The following PCDHA11 variants were observed in gnomAD, a reference collection of about 807,000 sequenced individuals.
The protein encoded by PCDHA11 is protocadherin alpha 11, also known as protocadherin alpha-11.
PCDHA11 carries 61 observed loss-of-function variants against 70.3 expected under a neutral mutation model. That is an observed-to-expected ratio of 0.87 (90% CI 0.71 to 1.07). The LOEUF is 1.07. Among genes scored for constraint, PCDHA11 ranks in the 50% least tolerant of loss-of-function variants. The probability of loss-of-function intolerance (pLI) is 0.00; values close to 1 mark genes in which losing one functional copy is unlikely to be tolerated. For synonymous variants in PCDHA11, 633 were observed against 555.1 expected, an observed-to-expected ratio of 1.14 and a Z score of -1.97; for missense variants, 1,324 against 1,237.5, an observed-to-expected ratio of 1.07 and a Z score of -1.05.
intron 3 of PCDHA11, among the ~76,000 whole-genome samples, chr5:141,009,295 A>AT (rs1258767808): frequency 6.6e-6 from 1 of 152,030 alleles, no homozygotes; most frequent in African/African-American, 2.4e-5. Flanking sequence ...TTTCTATAAA[A>AT]TTTTTTTTAA....
intron 1 of PCDHA11, among the ~76,000 whole-genome samples, chr5:140,969,836 T>C (rs1349045341): frequency 6.6e-6 from 1 of 152,224 alleles, no homozygotes; most frequent in Non-Finnish European, 1.5e-5. Flanking sequence ...ACAGTGGAAA[T>C]TATCTAGTTA....
At chr5:140,956,195 G>A (rs1324151692) in intron 1 of PCDHA11, among the ~76,000 whole-genome samples, 1 of 152,178 alleles carries the variant, frequency 6.6e-6, no homozygotes, top group Non-Finnish European at 1.5e-5. Flanking sequence ...CTGAATAGGA[G>A]TGGTGAAAGA....
chr5:140,990,758 C>G (rs1432023166), intron 3 of PCDHA11, among the ~76,000 whole-genome samples: 1 of 152,162 alleles, frequency 6.6e-6, no homozygotes, highest in African/African-American at 2.4e-5. Flanking sequence ...ACCTTTGAGC[C>G]TGTAAATTTG....
chr5:140,874,868 T>C (rs1554167378), intron 1 of PCDHA11, among the ~76,000 whole-genome samples: 1 of 152,254 alleles, frequency 6.6e-6, no homozygotes, highest in Non-Finnish European at 1.5e-5. Flanking sequence ...TTATCCTTTG[T>C]TAAATACAAA....
chr5:140,935,353 T>C (rs2090328143), intron 1 of PCDHA11, among the ~76,000 whole-genome samples: 1 of 152,184 alleles, frequency 6.6e-6, no homozygotes, highest in Non-Finnish European at 1.5e-5. Flanking sequence ...CAAATCCCAG[T>C]TTTCATTAAC....
intron 1 of PCDHA11, among the ~76,000 whole-genome samples, chr5:140,937,039 CTTT>C (rs34994034): frequency 1.4e-5 from 2 of 140,152 alleles, no homozygotes; most frequent in African/African-American, 5.3e-5. Flanking sequence ...TTCCATTTAT[CTTT>C]TTTTTTTTTT....
At chr5:140,871,609 A>G (rs1554165776) in intron 1 of PCDHA11, 115 bp downstream of exon 1, 1 of 1,428,296 alleles carries the variant, frequency 7.0e-7, no homozygotes, top group East Asian at 2.5e-5. Flanking sequence ...TGTTTTGAAT[A>G]TTGTTTTAGA....
chr5:140,923,152 T>C (rs2153567399), intron 1 of PCDHA11, among the ~76,000 whole-genome samples: 1 of 152,204 alleles, frequency 6.6e-6, no homozygotes, highest in South Asian at 2.1e-4. Context: ...TAAAAAAAAT[T>C]ATAGAAAGAT....
At chr5:140,895,968 G>C (rs190056652) in intron 1 of PCDHA11, among the ~76,000 whole-genome samples, 4 of 151,938 alleles carry the variant, frequency 2.6e-5, no homozygotes, top group African/African-American at 4.8e-5. Flanking sequence ...CTGTCACCAG[G>C]CCTAGCTAAT....
At chr5:140,992,023 G>C (rs1415968916) in intron 3 of PCDHA11, among the ~76,000 whole-genome samples, 2 of 148,226 alleles carry the variant, frequency 1.3e-5, no homozygotes, top group African/African-American at 4.9e-5. Flanking sequence ...GGCTCTGTGT[G>C]TGTGTGTGTG....
chr5:140,887,004 C>T (rs1341039143), intron 1 of PCDHA11, among the ~76,000 whole-genome samples: 1 of 152,066 alleles, frequency 6.6e-6, no homozygotes, highest in African/African-American at 2.4e-5. Flanking sequence ...GTTGGTATCA[C>T]TTTCCTACTG....
At chr5:140,937,933 A>T (rs1452935525) in intron 1 of PCDHA11, among the ~76,000 whole-genome samples, 1 of 151,854 alleles carries the variant, frequency 6.6e-6, no homozygotes, top group Non-Finnish European at 1.5e-5. Flanking sequence ...AAAAAGTTTA[A>T]TTTGATAATT....
chr5:141,002,141 A>G (rs1554258528), intron 3 of PCDHA11, among the ~76,000 whole-genome samples: 3 of 152,258 alleles, frequency 2.0e-5, no homozygotes, highest in Admixed American at 6.5e-5. Context: ...TGCCGGCTGC[A>G]CTGACTTAGC....
chr5:140,940,164 A>G (rs2092564000), intron 1 of PCDHA11, among the ~76,000 whole-genome samples: 1 of 152,170 alleles, frequency 6.6e-6, no homozygotes, highest in Non-Finnish European at 1.5e-5. Context: ...TTTGCCTGAA[A>G]TGTCATTCTT....
At chr5:140,977,703 A>G (rs1407162368) in intron 1 of PCDHA11, among the ~76,000 whole-genome samples, 1 of 152,192 alleles carries the variant, frequency 6.6e-6, no homozygotes, top group Non-Finnish European at 1.5e-5. Context: ...ATCTGTCTGA[A>G]TATTGAGATG....
intron 3 of PCDHA11, among the ~76,000 whole-genome samples, chr5:141,005,708 A>G (rs1245739768): frequency 6.8e-6 from 1 of 146,360 alleles, no homozygotes; most frequent in Non-Finnish European, 1.5e-5. Context: ...TCTCAAAAAA[A>G]AAAAAAAAAA....
chr5:140,927,313 G>A (rs1229449253), intron 1 of PCDHA11: 6 of 1,614,074 alleles, frequency 3.7e-6, no homozygotes, highest in Admixed American at 3.3e-5. Context: ...GACGCCCGGA[G>A]CCCGCTTTAC....
At chr5:140,872,661 TA>T (rs1211452464) in intron 1 of PCDHA11, among the ~76,000 whole-genome samples, 12 of 152,166 alleles carry the variant, frequency 7.9e-5, no homozygotes, top group African/African-American at 2.9e-4. Flanking sequence ...ATTTGTCAAC[TA>T]TTGGATACTC....
rs1162515573 is a variant in PCDHA11, at chr5:140,941,250, T to C, written c.2392-37699T>C. 3.6e-5 allele frequency among the ~76,000 whole-genome samples: 5 copies of C among 139,366 alleles called. No homozygotes were observed. In the East Asian group the frequency reaches 1.0e-3, roughly 29 times the overall value. 91.4% of individuals were successfully genotyped at this position (139,366 alleles called of 152,430 possible). A position where few individuals can be genotyped will look rare whatever the true frequency, so the allele number is the denominator to read the frequency against. ...TTCTTTCTTTCTTTCTTTCTTTCTT[T>C]CTTTCTCTTTCTTTCTTTCTTTCCT... is the stretch of plus-strand genomic sequence containing the variant. On this transcript the variant is annotated intron_variant, in intron 1 of 3. Coordinates refer to ENST00000398640, the MANE Select transcript of PCDHA11 (RefSeq NM_018902.5).
Sources: allele counts gnomAD v4.1 joint callset (sites outside exome capture counted in the v4.1 genomes callset), GRCh38; gene constraint gnomAD v4.1.1; transcripts MANE v1.5; gene names NCBI Gene and HGNC (gene_info 2026-07-23, HGNC 2026-07-21).